ZKSCAN2: variants seen among roughly 807,000 people sequenced by gnomAD.
ZKSCAN2 encodes zinc finger with KRAB and SCAN domains 2.
A neutral mutation model predicts 90.5 loss-of-function variants in ZKSCAN2; 38 were observed. The observed-to-expected ratio is 0.42, with a 90% CI of 0.32 to 0.55. The LOEUF (loss-of-function observed/expected upper bound fraction) is 0.55, where lower values mean the gene tolerates loss of function less well. Among genes scored for constraint, ZKSCAN2 ranks in the 20% least tolerant of loss-of-function variants. The pLI, the probability that ZKSCAN2 is intolerant of heterozygous loss-of-function variation, is 0.11. For synonymous variants in ZKSCAN2, 429 were observed against 421.6 expected (o/e 1.02, Z -0.22); for missense variants, 1,167 against 1,202.6 (o/e 0.97, Z 0.44).
chr16:25,250,497 G>A (rs575810568), intron 4 of ZKSCAN2, among the ~76,000 whole-genome samples: 1 of 152,300 alleles, frequency 6.6e-6, no homozygotes, highest in African/African-American at 2.4e-5. Context: ...GATGGTCAAA[G>A]CGTATAAGCT....
intron 5 of ZKSCAN2, 117 bp downstream of exon 5, chr16:25,246,590 G>C (rs1027458150): frequency 9.9e-6 from 10 of 1,013,016 alleles, no homozygotes; most frequent in Admixed American, 1.9e-5. Flanking sequence ...ACACCACAGT[G>C]AAAGTGGTGA....
At position 25,251,977 on chromosome 16, in the gene ZKSCAN2, T is replaced by G; in HGVS notation, c.737A>C (p.Gln246Pro). The G allele has an allele frequency of 6.2e-7, 1 of 1,614,048 alleles. No homozygotes were observed. The highest frequency in any genetic ancestry group is 1.1e-5 in the South Asian group (1 of 91,078). ...GTAGAGGTCCCTTTGGGCAGGAATCTGATGCACACTCTTTCTGTAGGAAAA... is the reference window on the plus strand; with the variant it reads ...GTAGAGGTCCCTTTGGGCAGGAATCGGATGCACACTCTTTCTGTAGGAAAA... ...RGFSYRKSVH[Q>P]IPAQRDLYRD... The change falls in exon 4 of 7, where the codon CAG becomes CCG. Residue 246 changes from glutamine (Q) to proline (P), a missense_variant. Physicochemically the swap from Gln to Pro is moderately conservative, Grantham distance 76. Coordinates refer to ENST00000328086, the MANE Select transcript of ZKSCAN2 (RefSeq NM_001012981.5).
chr16:25,252,704 A>G (rs1317884978), intron 3 of ZKSCAN2, among the ~76,000 whole-genome samples: 2 of 152,108 alleles, frequency 1.3e-5, no homozygotes, highest in East Asian at 3.9e-4. Flanking sequence ...ACTTGAAGTC[A>G]GGAGTTTGAG....
At chr16:25,254,607 G>A (rs1427370729) in intron 2 of ZKSCAN2, among the ~76,000 whole-genome samples, 1 of 151,750 alleles carries the variant, frequency 6.6e-6, no homozygotes, top group African/African-American at 2.4e-5. Flanking sequence ...TTTTTTTGTA[G>A]AGAAAATGTG....
At chr16:25,243,747 C>A in intron 6 of ZKSCAN2, 38 bp downstream of exon 6, 2 of 988,560 alleles carry the variant, frequency 2.0e-6, no homozygotes, top group Admixed American at 3.7e-5. Flanking sequence ...CACACTTATT[C>A]CTCTTTTGGA....
intron 6 of ZKSCAN2, among the ~76,000 whole-genome samples, chr16:25,241,659 A>T (rs2141359817): frequency 6.6e-6 from 1 of 152,324 alleles, no homozygotes; most frequent in South Asian, 2.1e-4. Context: ...ACATTTCACA[A>T]GCTGTGCAAC....
intron 2 of ZKSCAN2, among the ~76,000 whole-genome samples, chr16:25,253,881 G>A (rs531498567): frequency 6.6e-6 from 1 of 152,180 alleles, no homozygotes; most frequent in Non-Finnish European, 1.5e-5. Flanking sequence ...GATGGCACAC[G>A]CCTGTAATCC....
At position 25,256,982 on chromosome 16, in the gene ZKSCAN2, C is replaced by A; in HGVS notation, c.146G>T (p.Arg49Met). 6.2e-7 allele frequency: 1 copy of A among 1,614,236 alleles called. No homozygotes were observed. The highest frequency in any genetic ancestry group is 8.5e-7 in the Non-Finnish European group (1 of 1,180,040). ...AGTCACATCCTCATAACAGAATTGCCTGAAGCATTTGCGGAAGGTCTCAGA... is the reference window on the plus strand; with the variant it reads ...AGTCACATCCTCATAACAGAATTGCATGAAGCATTTGCGGAAGGTCTCAGA... ...DSSETFRKCFRQFCYEDVTGP... is the reference protein window; with the variant it reads ...DSSETFRKCFMQFCYEDVTGP... The change falls in exon 1 of 7, where the codon AGG becomes ATG. Residue 49 changes from arginine (R) to methionine (M), a missense_variant. Transcript: ENST00000328086.
At position 25,243,907 on chromosome 16, in the gene ZKSCAN2, T is replaced by C. The variant is rs1213698174; in HGVS notation, c.1859A>G (p.Glu620Gly). The change falls in exon 6 of 7, where the codon GAA becomes GGA. Residue 620 changes from glutamate to glycine, a missense_variant. Transcript: ENST00000328086. ...TGCCTCCTGTGAGGTCTCTTCAGGTTCCCAGCCTGTAGGTTCCTGGGGTTC... is the reference window on the plus strand; with the variant it reads ...TGCCTCCTGTGAGGTCTCTTCAGGTCCCCAGCCTGTAGGTTCCTGGGGTTC... ...EVEPQEPTGW[E>G]PEETSQEAVI... 1 of 1,614,176 alleles carries C rather than the reference T, an allele frequency of 6.2e-7. No homozygotes were observed. The highest frequency in any genetic ancestry group is 8.5e-7 in the Non-Finnish European group (1 of 1,180,026).
chr16:25,243,660 G>C, intron 6 of ZKSCAN2, 125 bp downstream of exon 6: 1 of 1,204,260 alleles, frequency 8.3e-7, no homozygotes, highest in Non-Finnish European at 1.2e-6. Flanking sequence ...TCTTCAAGTA[G>C]CACAGGCACT....
chr16:25,240,185 A>G lies in ZKSCAN2; in HGVS notation c.2535T>C (p.Ser845=), dbSNP rs1314046639. 7 of 1,614,008 alleles carry G rather than the reference A, an allele frequency of 4.3e-6. No homozygotes were observed. In the South Asian group the frequency reaches 7.7e-5, roughly 18 times the overall value. ...ECGKCFSQSS[S]LIIHQRTHTG... is the part of the protein sequence containing the mutation. ...TGTGCGTTCTCTGATGTATAATAAG[A>G]CTAGAGCTCTGACTAAAGCATTTTC... The change falls in exon 7 of 7, where the codon AGT becomes AGC. Residue 845 remains serine (S), a synonymous_variant. Coordinates refer to ENST00000328086, the MANE Select transcript of ZKSCAN2 (RefSeq NM_001012981.5).
Position 25,238,860 on chromosome 16 carries a change from G to T in ZKSCAN2, c.*956C>A, listed in dbSNP as rs1223318034. 1 of 152,226 alleles carries T rather than the reference G, an allele frequency of 6.6e-6. No individual in the cohort carries two copies. Among genetic ancestry groups the T allele is most frequent in the Non-Finnish European group, 1.5e-5 (1 of 68,066 alleles). 9.4% of individuals were successfully genotyped at this position (152,226 alleles called of 1,614,324 possible). ...TATAATATTATACTGCAGTGCAGGG[G>T]TGGGAGGTACGAAATATGCCAACAT... On this transcript the variant is annotated 3_prime_UTR_variant, in exon 7 of 7. Coordinates refer to ENST00000328086, the MANE Select transcript of ZKSCAN2 (RefSeq NM_001012981.5).
rs1962816082 is a variant in ZKSCAN2 at position 25,239,594 on chromosome 16, G to GTT, written c.*221_*222insAA. Reference sequence around the variant, plus strand: ...GTATTTCATTCTGAACTCGGACAATGTATCTTCGCCACATTCTTAAAGGAG... The same window carrying GTT: ...GTATTTCATTCTGAACTCGGACAATGTTTATCTTCGCCACATTCTTAAAGGAG... On this transcript the variant is annotated 3_prime_UTR_variant, in exon 7 of 7. Coordinates refer to ENST00000328086, the MANE Select transcript of ZKSCAN2 (RefSeq NM_001012981.5). 6.4e-6 allele frequency: 3 copies of GTT among 470,906 alleles called. No individual in the cohort carries two copies. Among genetic ancestry groups the GTT allele is most frequent in the African/African-American group, 5.8e-5 (3 of 52,010 alleles). The allele number at this position is 470,906 out of a possible 1,614,324, so 29.2% of individuals were successfully genotyped here.
At chr16:25,253,975 G>C (rs940604077) in intron 2 of ZKSCAN2, among the ~76,000 whole-genome samples, 1 of 152,022 alleles carries the variant, frequency 6.6e-6, no homozygotes, top group African/African-American at 2.4e-5. Flanking sequence ...GCCACTGCAC[G>C]CTAACCTGGA....
chr16:25,243,741 C>T, intron 6 of ZKSCAN2, 44 bp downstream of exon 6: 1 of 1,027,422 alleles, frequency 9.7e-7, no homozygotes. Context: ...GTAAATCACA[C>T]TTATTCCTCT....
chr16:25,244,773 G>A (rs1962909152), intron 5 of ZKSCAN2, among the ~76,000 whole-genome samples: 1 of 152,174 alleles, frequency 6.6e-6, no homozygotes, highest in South Asian at 2.1e-4. Flanking sequence ...CTTCCTTGAG[G>A]AGCAGAACTA....
chr16:25,249,906 C>G (rs750051398), intron 4 of ZKSCAN2, among the ~76,000 whole-genome samples: 11 of 152,132 alleles, frequency 7.2e-5, no homozygotes, highest in African/African-American at 2.7e-4. Flanking sequence ...CTCAATGAAG[C>G]ATTATTCACA....
chr16:25,253,439 CCTCTCTCTCTCT>C (rs151086073), intron 2 of ZKSCAN2, among the ~76,000 whole-genome samples: 18 of 144,640 alleles, frequency 1.2e-4, no homozygotes, highest in African/African-American at 3.8e-4. Flanking sequence ...TTTCTCCCTT[CCTCTCTCTCTCT>C]CTCTCTCTCT....
At chr16:25,246,093 T>A (rs1323915683) in intron 5 of ZKSCAN2, among the ~76,000 whole-genome samples, 1 of 152,238 alleles carries the variant, frequency 6.6e-6, no homozygotes, top group East Asian at 1.9e-4. Flanking sequence ...TTAATTTTAA[T>A]GTCTCTGTAT....
Sources: gnomAD v4.1 joint callset for allele counts (sites outside exome capture counted in the v4.1 genomes callset) on GRCh38, gnomAD v4.1.1 for gene constraint, MANE v1.5 for transcripts, NCBI Gene and HGNC (gene_info 2026-07-23, HGNC 2026-07-21) for gene names.